Variants in CHST8 observed in about 807,000 individuals in gnomAD.
The protein encoded by CHST8 is carbohydrate sulfotransferase 8.
Under a neutral mutation model 15.0 loss-of-function variants are expected in CHST8, and 10 were observed. The ratio of observed to expected loss-of-function variants is 0.67; its 90% CI spans 0.41 to 1.13. The LOEUF is 1.13. Ranked by LOEUF, CHST8 falls within the 50% of genes most tolerant of loss-of-function variation. The pLI, the probability that CHST8 is intolerant of heterozygous loss-of-function variation, is 0.00. For missense variants in CHST8, 634 were observed against 608.2 expected (o/e 1.04, Z -0.45); for synonymous variants, 259 against 256.6 (o/e 1.01, Z -0.09).
At chr19:33,672,776 T>G (rs1358784625) in intron 2 of CHST8, among the ~76,000 whole-genome samples, 1 of 152,140 alleles carries the variant, frequency 6.6e-6, no homozygotes, top group Non-Finnish European at 1.5e-5. Flanking sequence ...TTGGCGTGGA[T>G]GTCTGACCAC....
intron 3 of CHST8, among the ~76,000 whole-genome samples, chr19:33,719,620 C>T (rs1267671484): frequency 6.6e-6 from 1 of 151,976 alleles, no homozygotes; most frequent in Non-Finnish European, 1.5e-5. Context: ...GGCTGACTTC[C>T]CAGCCATCTG....
intron 3 of CHST8, among the ~76,000 whole-genome samples, chr19:33,711,622 T>C: frequency 6.6e-6 from 1 of 152,350 alleles, no homozygotes; most frequent in South Asian, 2.1e-4. Flanking sequence ...AGGAACATTG[T>C]TAAGTATAAA....
chr19:33,717,629 C>A (rs1466612757), intron 3 of CHST8, among the ~76,000 whole-genome samples: 2 of 151,986 alleles, frequency 1.3e-5, no homozygotes, highest in East Asian at 1.9e-4. Flanking sequence ...TAGTGCCACA[C>A]GTTTTTACAC....
Position 33,773,223 on chromosome 19 carries a change from C to A in CHST8, c.*160C>A. 1.2e-6 allele frequency: 1 copy of A among 817,440 alleles called. No individual in the cohort carries two copies. Among genetic ancestry groups the A allele is most frequent in the Non-Finnish European group, 1.9e-6 (1 of 537,684 alleles). The allele number at this position is 817,440 out of a possible 1,614,324, so 50.6% of individuals were successfully genotyped here. ...GCAGGCCCCGGGTGGGGGGCAGAGG[C>A]GCCCAGCCTTGGATGGGGACCCCAG... On this transcript the variant is annotated 3_prime_UTR_variant, in exon 5 of 5. Coordinates refer to ENST00000650847, the MANE Select transcript of CHST8 (RefSeq NM_001127895.2).
chr19:33,724,281 G>A (rs1973852577), intron 3 of CHST8, among the ~76,000 whole-genome samples: 1 of 152,116 alleles, frequency 6.6e-6, no homozygotes, highest in East Asian at 1.9e-4. Context: ...TGCCCTGGGT[G>A]TGGGGCCTGG....
Position 33,772,872 on chromosome 19 carries a change from A to C in CHST8, c.1084A>C (p.Ile362Leu), listed in dbSNP as rs537745520. The change falls in exon 5 of 5, where the codon ATC (isoleucine) becomes CTC (leucine). Residue 362 changes from isoleucine to leucine, a missense_variant. Physicochemically the swap from Ile to Leu is conservative, Grantham distance 5. Coordinates refer to ENST00000650847, the MANE Select transcript of CHST8 (RefSeq NM_001127895.2). ...EDDANFFLSLIRAPRNLTFPR... is the reference protein window; with the variant it reads ...EDDANFFLSLLRAPRNLTFPR... ...CGATGCCAACTTCTTCCTGAGCCTC[A>C]TCCGCGCGCCGCGGAACCTGACCTT... 6.2e-7 allele frequency: 1 copy of C among 1,613,460 alleles called. No individual in the cohort carries two copies. Among genetic ancestry groups the C allele is most frequent in the South Asian group, 1.1e-5 (1 of 91,084 alleles).
chr19:33,714,209 G>A (rs1256314609), intron 3 of CHST8, among the ~76,000 whole-genome samples: 1 of 152,136 alleles, frequency 6.6e-6, no homozygotes, highest in Non-Finnish European at 1.5e-5. Flanking sequence ...TATATTTCTT[G>A]CAGCAGTACT....
chr19:33,652,066 T>C (rs1972455704), intron 1 of CHST8, among the ~76,000 whole-genome samples: 1 of 152,162 alleles, frequency 6.6e-6, no homozygotes, highest in Non-Finnish European at 1.5e-5. Context: ...ACTTTGACTA[T>C]ATTTTTTTGT....
At chr19:33,766,190 C>T (rs1038972260) in intron 3 of CHST8, among the ~76,000 whole-genome samples, 5 of 151,934 alleles carry the variant, frequency 3.3e-5, no homozygotes, top group Non-Finnish European at 5.9e-5. Flanking sequence ...GTCTCGCTTC[C>T]CTCTCTCCTT....
At chr19:33,659,190 C>T (rs781705235) in intron 1 of CHST8, among the ~76,000 whole-genome samples, 35 of 151,588 alleles carry the variant, frequency 2.3e-4, no homozygotes, top group Non-Finnish European at 3.7e-4. Flanking sequence ...CTCAGCCTCC[C>T]GAGTAGCTGG....
intron 3 of CHST8, among the ~76,000 whole-genome samples, chr19:33,732,754 A>G (rs1974018063): frequency 6.6e-6 from 1 of 152,142 alleles, no homozygotes; most frequent in Non-Finnish European, 1.5e-5. Flanking sequence ...GGGCAACGCC[A>G]GACCCTCGGA....
At position 33,703,719 on chromosome 19, in the gene CHST8, G is replaced by A. The variant is rs528806972; in HGVS notation, c.130+14328G>A. Among the ~76,000 whole-genome samples the A allele has an allele frequency of 9.8e-5, 15 of 152,316 alleles. No homozygotes were observed. In the East Asian group the frequency reaches 1.2e-3, roughly 12 times the overall value. On this transcript the variant is annotated intron_variant, in intron 3 of 4. Coordinates refer to ENST00000650847, the MANE Select transcript of CHST8 (RefSeq NM_001127895.2). The stretch of plus-strand genomic sequence containing the variant: ...TTGCAGAAGTTGGGAGCCTCTGGGC[G>A]GATCTCATTTAAGCCAAAAAAGCTT...
rs60403211 is a variant in CHST8, at chr19:33,632,139, CTT to C, written c.-164+9859_-164+9860del. ...TTTCTTTTCTTGTCTCTCTCTCTCTCTTTTTTTTTTTTTTTTTCCAGACAGGG... is the reference window on the plus strand; with the variant it reads ...TTTCTTTTCTTGTCTCTCTCTCTCTCTTTTTTTTTTTTTTTCCAGACAGGG... On this transcript the variant is annotated intron_variant, in intron 1 of 4. Transcript: ENST00000650847. Among the ~76,000 whole-genome samples the C allele has an allele frequency of 1.2e-3, 172 of 138,964 alleles. 2 individuals carry two copies. The highest frequency in any genetic ancestry group is 2.1e-3 in the African/African-American group (78 of 37,286). The allele number at this position is 138,964 out of a possible 152,430, so 91.2% of individuals were successfully genotyped here.
chr19:33,729,119 C>T (rs2145322510), intron 3 of CHST8, among the ~76,000 whole-genome samples: 1 of 152,300 alleles, frequency 6.6e-6, no homozygotes, highest in South Asian at 2.1e-4. Flanking sequence ...ATTTAGTAAT[C>T]CCAAGACCTC....
chr19:33,636,685 G>A (rs1392021383), intron 1 of CHST8, among the ~76,000 whole-genome samples: 1 of 152,158 alleles, frequency 6.6e-6, no homozygotes, highest in Non-Finnish European at 1.5e-5. Flanking sequence ...CGGATCACCT[G>A]AGCTCAGGAG....
chr19:33,767,327 C>T (rs1010347162), intron 3 of CHST8, among the ~76,000 whole-genome samples: 6 of 152,236 alleles, frequency 3.9e-5, no homozygotes, highest in Middle Eastern at 3.2e-3. Context: ...GGTCTTCCTC[C>T]TGTGAGCCTA....
chr19:33,696,799 G>A (rs10422363), intron 3 of CHST8, among the ~76,000 whole-genome samples: 50,925 of 150,990 alleles, frequency 0.34, 9,026 homozygotes, highest in Middle Eastern at 0.44. Flanking sequence ...AGTGAAAAGC[G>A]TTCCCTTTTC....
chr19:33,748,002 T>C (rs1974345930), intron 3 of CHST8, among the ~76,000 whole-genome samples: 1 of 152,028 alleles, frequency 6.6e-6, no homozygotes, highest in Admixed American at 6.5e-5. Context: ...GGAAGGAGAT[T>C]TTCCTTTCCC....
chr19:33,683,515 A>G (rs1972925637), intron 2 of CHST8, among the ~76,000 whole-genome samples: 1 of 152,112 alleles, frequency 6.6e-6, no homozygotes, highest in South Asian at 2.1e-4. Flanking sequence ...GCCTCCTGTC[A>G]TAGGATTGGG....
Sources: allele counts gnomAD v4.1 joint callset (sites outside exome capture counted in the v4.1 genomes callset), GRCh38; gene constraint gnomAD v4.1.1; transcripts MANE v1.5; gene names NCBI Gene and HGNC (gene_info 2026-07-23, HGNC 2026-07-21).